MTA3: variants seen among roughly 807,000 people sequenced by gnomAD.
MTA3 encodes metastasis-associated protein MTA3.
MTA3 carries 34 observed loss-of-function variants against 83.5 expected under a neutral mutation model. That is an observed-to-expected ratio of 0.41 (90% CI 0.31 to 0.54). The LOEUF (loss-of-function observed/expected upper bound fraction) is 0.54. MTA3 is among the 20% of genes least tolerant of loss of function. The probability of loss-of-function intolerance (pLI) is 0.33; values close to 1 mark genes in which losing one functional copy is unlikely to be tolerated. For synonymous variants in MTA3, 303 were observed against 252.7 expected (o/e 1.20, Z -1.89); for missense variants, 761 against 726.4 (o/e 1.05, Z -0.55).
At chr2:42,725,792 C>G (rs1487825418) in intron 16 of MTA3, among the ~76,000 whole-genome samples, 1 of 152,218 alleles carries the variant, frequency 6.6e-6, no homozygotes. Context: ...CTGCAGAATC[C>G]TTCTAGCGCC....
intron 14 of MTA3, among the ~76,000 whole-genome samples, chr2:42,713,068 T>C (rs1020198175): frequency 2.6e-5 from 4 of 152,134 alleles, no homozygotes; most frequent in African/African-American, 7.2e-5. Context: ...TAAATAGAAG[T>C]AGGTTTACTA....
chr2:42,572,852 C>G (rs1399416407), intron 2 of MTA3, among the ~76,000 whole-genome samples: 1 of 152,120 alleles, frequency 6.6e-6, no homozygotes, highest in Non-Finnish European at 1.5e-5. Flanking sequence ...CTCATCCTCC[C>G]AAGTAGCTGG....
At chr2:42,745,171 A>G (rs1669319687) in intron 16 of MTA3, among the ~76,000 whole-genome samples, 2 of 152,254 alleles carry the variant, frequency 1.3e-5, no homozygotes, top group South Asian at 4.1e-4. Context: ...ATGAAAAGTG[A>G]TGACATATAA....
chr2:42,662,289 A>C (rs1014615040), intron 8 of MTA3, among the ~76,000 whole-genome samples: 1 of 151,978 alleles, frequency 6.6e-6, no homozygotes, highest in African/African-American at 2.4e-5. Flanking sequence ...CTTTGTGAGC[A>C]TGTGTGTGAG....
chr2:42,554,433 C>G (rs1251203133), intron 2 of MTA3, among the ~76,000 whole-genome samples: 1 of 152,138 alleles, frequency 6.6e-6, no homozygotes, highest in Non-Finnish European at 1.5e-5. Context: ...ATTTCCTTTT[C>G]TTTCCTAAAT....
At position 42,627,729 on chromosome 2, in the gene MTA3, T is replaced by G. The variant is rs1393529345; in HGVS notation, c.318-12444T>G. On this transcript the variant is annotated intron_variant, in intron 4 of 16. Coordinates refer to ENST00000405094, the MANE Select transcript of MTA3 (RefSeq NM_001330442.2). ...TGTGCCACCAAGCCTGGCTAAATTT[T>G]TTTTTTTTTTTTTTTTTTTTGTATT... is the stretch of plus-strand genomic sequence containing the variant. Among the ~76,000 whole-genome samples, 893 of 142,884 alleles carry G rather than the reference T, an allele frequency of 6.2e-3. 4 individuals are homozygous for G. Among genetic ancestry groups the G allele is most frequent in the African/African-American group, 0.019 (745 of 38,838 alleles). 93.7% of individuals were successfully genotyped at this position (142,884 alleles called of 152,430 possible).
intron 2 of MTA3, among the ~76,000 whole-genome samples, chr2:42,556,774 G>T (rs1677412310): frequency 6.6e-6 from 1 of 152,176 alleles, no homozygotes; most frequent in Admixed American, 6.5e-5. Flanking sequence ...GGGGGAATGG[G>T]AAGAGGTAGA....
intron 16 of MTA3, among the ~76,000 whole-genome samples, chr2:42,738,016 CT>C (rs2104576022): frequency 6.6e-6 from 1 of 152,292 alleles, no homozygotes; most frequent in Admixed American, 6.5e-5. Flanking sequence ...AATCCCAACA[CT>C]TTGGGAGGCC....
chr2:42,630,744 T>A (rs1035842885), intron 4 of MTA3, among the ~76,000 whole-genome samples: 1 of 152,196 alleles, frequency 6.6e-6, no homozygotes, highest in Non-Finnish European at 1.5e-5. Flanking sequence ...TGATTGTGAG[T>A]GTAGCTGCAA....
At chr2:42,544,177 G>A (rs1443865360) in intron 2 of MTA3, among the ~76,000 whole-genome samples, 9 of 152,128 alleles carry the variant, frequency 5.9e-5, no homozygotes, top group South Asian at 2.1e-4. Context: ...GCCTGGCACG[G>A]TGGCTCACGC....
rs1666233851 is a variant in MTA3, at chr2:42,707,797, T to C, written c.1151-106T>C. The C allele has an allele frequency of 5.6e-6, 7 of 1,242,226 alleles. No homozygotes were observed. In the Admixed American group the frequency reaches 1.4e-4, roughly 24 times the overall value. The allele number at this position is 1,242,226 out of a possible 1,614,324, so 77.0% of individuals were successfully genotyped here. A position where few individuals can be genotyped will look rare whatever the true frequency, so the allele number is the denominator to read the frequency against. On this transcript the variant is annotated intron_variant, in intron 12 of 16. Coordinates refer to ENST00000405094, the MANE Select transcript of MTA3 (RefSeq NM_001330442.2). ...GGCTTGTAAGCTGGGAACAATAACATTGTAAACTAAGCATGACAAGTATTT... is the reference window on the plus strand; with the variant it reads ...GGCTTGTAAGCTGGGAACAATAACACTGTAAACTAAGCATGACAAGTATTT...
chr2:42,511,016 G>C (rs564692187), intron 2 of MTA3, among the ~76,000 whole-genome samples: 28 of 152,244 alleles, frequency 1.8e-4, no homozygotes, highest in Admixed American at 1.7e-3. Context: ...AAAAACACCT[G>C]CTGTTCTTAC....
intron 2 of MTA3, among the ~76,000 whole-genome samples, chr2:42,512,257 C>G (rs2103671298): frequency 6.6e-6 from 1 of 151,658 alleles, no homozygotes; most frequent in African/African-American, 2.4e-5. Flanking sequence ...CTGTCTCAGG[C>G]CTGAGTTTGA....
Position 42,532,588 on chromosome 2 carries a change from A to C in MTA3, c.-141+37334A>C, listed in dbSNP as rs764009516. Reference sequence around the variant, plus strand: ...AATTTGTTGCACAATAAGCCACCTCACATCTTTCAGCAAGACATAAACTAA... The same window carrying C: ...AATTTGTTGCACAATAAGCCACCTCCCATCTTTCAGCAAGACATAAACTAA... On this transcript the variant is annotated intron_variant, in intron 2 of 17. Transcript: ENST00000405592. 2.0e-5 allele frequency among the ~76,000 whole-genome samples: 3 copies of C among 152,220 alleles called. No individual in the cohort carries two copies. In the South Asian group the frequency reaches 6.2e-4, roughly 32 times the overall value.
chr2:42,512,997 T>C (rs1019948784), intron 2 of MTA3, among the ~76,000 whole-genome samples: 4 of 152,210 alleles, frequency 2.6e-5, no homozygotes, highest in Non-Finnish European at 5.9e-5. Flanking sequence ...TCTCCCAGAC[T>C]GTGAAAATGC....
chr2:42,627,973 C>G (rs936038409), intron 4 of MTA3, among the ~76,000 whole-genome samples: 2 of 151,840 alleles, frequency 1.3e-5, no homozygotes, highest in South Asian at 2.1e-4. Flanking sequence ...CAATCTCCGA[C>G]TCCCGGGTTC....
chr2:42,497,377 G>T (rs1210302577), intron 2 of MTA3, among the ~76,000 whole-genome samples: 1 of 152,036 alleles, frequency 6.6e-6, no homozygotes, highest in East Asian at 1.9e-4. Context: ...ATGAGGTCAG[G>T]AGTTCGAGAG....
chr2:42,640,883 C>T (rs938580847), intron 5 of MTA3, among the ~76,000 whole-genome samples: 2 of 152,028 alleles, frequency 1.3e-5, no homozygotes, highest in African/African-American at 4.8e-5. Context: ...TTTTTCTTCT[C>T]CCCCAAAAGC....
chr2:42,751,012 C>A (rs1669836921), intron 16 of MTA3, among the ~76,000 whole-genome samples: 1 of 152,228 alleles, frequency 6.6e-6, no homozygotes, highest in South Asian at 2.1e-4. Context: ...CCACACTGAA[C>A]CTTCAAGTCT....
Sources: gnomAD v4.1 joint callset for allele counts (sites outside exome capture counted in the v4.1 genomes callset) on GRCh38, gnomAD v4.1.1 for gene constraint, MANE v1.5 for transcripts, NCBI Gene and HGNC (gene_info 2026-07-23, HGNC 2026-07-21) for gene names.